The following GALK2 variants were observed in gnomAD, a reference collection of about 807,000 sequenced individuals.
GALK2 encodes N-acetylgalactosamine kinase.
Under a neutral mutation model 52.4 loss-of-function variants are expected in GALK2, and 36 were observed. The observed-to-expected ratio is 0.69, with a 90% CI of 0.53 to 0.91. GALK2 has a LOEUF of 0.91. GALK2 is among the 40% of genes least tolerant of loss of function. GALK2 has a pLI of 0.00. For missense variants in GALK2, 579 were observed against 559.1 expected, an observed-to-expected ratio of 1.04 and a Z score of -0.36; for synonymous variants, 176 against 199.1, an observed-to-expected ratio of 0.88 and a Z score of 0.98.
chr15:49,310,220 T>C (rs1485109346), intron 8 of GALK2, among the ~76,000 whole-genome samples: 1 of 152,240 alleles, frequency 6.6e-6, no homozygotes, highest in Non-Finnish European at 1.5e-5. Flanking sequence ...CAGGATTTCA[T>C]TCTTTTTTAT....
At chr15:49,288,516 A>G (rs1248775570) in intron 7 of GALK2, among the ~76,000 whole-genome samples, 2 of 152,220 alleles carry the variant, frequency 1.3e-5, no homozygotes, top group Admixed American at 6.5e-5. Context: ...AGAAGTTGGC[A>G]TAATAGTCTC....
chr15:49,317,204 G>T (rs1336834159), intron 8 of GALK2, among the ~76,000 whole-genome samples: 2 of 152,106 alleles, frequency 1.3e-5, no homozygotes, highest in Non-Finnish European at 2.9e-5. Flanking sequence ...GTAGCAATTT[G>T]TGTACAGCTA....
chr15:49,223,544 C>T (rs370119437), intron 3 of GALK2, among the ~76,000 whole-genome samples: 31 of 152,148 alleles, frequency 2.0e-4, no homozygotes, highest in African/African-American at 6.0e-4. Context: ...CTACTGCCCC[C>T]GCCATTGCTT....
chr15:49,237,286 A>C (rs969571709), intron 4 of GALK2, among the ~76,000 whole-genome samples: 1 of 152,236 alleles, frequency 6.6e-6, no homozygotes, highest in African/African-American at 2.4e-5. Flanking sequence ...TAGCCTGTTC[A>C]GAAACTTTCA....
intron 5 of GALK2, among the ~76,000 whole-genome samples, chr15:49,278,185 C>T (rs891560310): frequency 1.3e-5 from 2 of 152,126 alleles, no homozygotes; most frequent in East Asian, 1.9e-4. Flanking sequence ...GGCGTGAACC[C>T]GGGAGGCGGA....
At chr15:49,291,811 C>T (rs2033965553) in intron 7 of GALK2, among the ~76,000 whole-genome samples, 3 of 152,134 alleles carry the variant, frequency 2.0e-5, no homozygotes, top group Non-Finnish European at 4.4e-5. Context: ...ATGAGGTTTT[C>T]ATTTCAAATT....
chr15:49,328,213 A>C lies in GALK2; in HGVS notation c.*54A>C. 1 of 1,551,646 alleles carries C rather than the reference A, an allele frequency of 6.4e-7. No individual in the cohort carries two copies. Among genetic ancestry groups the C allele is most frequent in the Non-Finnish European group, 8.7e-7 (1 of 1,146,192 alleles). Reference sequence around the variant, plus strand: ...CTTAGGGCACTTAGGAATTGGCAGGACTTTCTGTGCCACAGTAAATTAATC... The same window carrying C: ...CTTAGGGCACTTAGGAATTGGCAGGCCTTTCTGTGCCACAGTAAATTAATC... On this transcript the variant is annotated 3_prime_UTR_variant, in exon 10 of 10. Transcript: ENST00000560031.
At chr15:49,365,248 A>C in intron 3 of GALK2, 7 of 1,146,256 alleles carry the variant, frequency 6.1e-6, no homozygotes, top group Non-Finnish European at 8.0e-6. Context: ...ATTTCCAGGC[A>C]ACAACTGAGG....
At chr15:49,204,642 G>A (rs930886799) in intron 2 of GALK2, among the ~76,000 whole-genome samples, 4 of 151,852 alleles carry the variant, frequency 2.6e-5, no homozygotes, top group Non-Finnish European at 5.9e-5. Flanking sequence ...TCTGTTATTG[G>A]TGTATAGAAA....
At chr15:49,184,215 T>C (rs1240075045) in intron 1 of GALK2, among the ~76,000 whole-genome samples, 1 of 152,194 alleles carries the variant, frequency 6.6e-6, no homozygotes, top group East Asian at 1.9e-4. Context: ...TTTATCATTA[T>C]ATAATGACCT....
rs886531897 is a variant in GALK2, at chr15:49,282,052, C to T, written c.570C>T (p.Asp190=). ...RYIGTEGGGM[D]QSISFLAEEG... ...TTGGCACTGAAGGAGGAGGCATGGA[C>T]CAGTCTATATCATTTCTTGCAGAAG... The change falls in exon 6 of 10, where the codon GAC becomes GAT. Residue 190 remains aspartate (D), a synonymous_variant. Coordinates refer to ENST00000560031, the MANE Select transcript of GALK2 (RefSeq NM_002044.4). 2.5e-6 allele frequency: 4 copies of T among 1,613,444 alleles called. No homozygotes were observed. The highest frequency in any genetic ancestry group is 1.7e-5 in the Admixed American group (1 of 59,994).
intron 5 of GALK2, among the ~76,000 whole-genome samples, chr15:49,246,504 G>A (rs1474891662): frequency 6.6e-6 from 1 of 152,138 alleles, no homozygotes; most frequent in Non-Finnish European, 1.5e-5. Context: ...CCCCCATACT[G>A]AAGTCTAAGG....
chr15:49,166,256 G>A (rs969258557), upstream of GALK2, among the ~76,000 whole-genome samples: 2 of 152,046 alleles, frequency 1.3e-5, no homozygotes, highest in African/African-American at 4.8e-5. Context: ...TCTTCGTTTT[G>A]TTTTGCTTTG....
At chr15:49,353,944 G>A (rs939212513) in intron 3 of GALK2, 1 of 152,018 alleles carries the variant, frequency 6.6e-6, no homozygotes, top group Non-Finnish European at 1.5e-5. Context: ...TCACATATTG[G>A]TTAATGGGAA....
intron 3 of GALK2, among the ~76,000 whole-genome samples, chr15:49,349,989 T>C (rs560279056): frequency 6.6e-6 from 1 of 152,312 alleles, no homozygotes; most frequent in East Asian, 1.9e-4. Flanking sequence ...CTTTGTTGGA[T>C]GGATGAATAA....
intron 3 of GALK2, among the ~76,000 whole-genome samples, chr15:49,366,875 C>A (rs2045308798): frequency 2.0e-5 from 3 of 152,290 alleles, no homozygotes; most frequent in African/African-American, 7.2e-5. Context: ...TGGGATTCAT[C>A]TGAGTCCTTA....
intron 8 of GALK2, among the ~76,000 whole-genome samples, chr15:49,296,442 C>T (rs558604233): frequency 6.6e-6 from 1 of 152,310 alleles, no homozygotes; most frequent in East Asian, 1.9e-4. Context: ...CATGTTGCTA[C>T]ACAGGACATT....
At chr15:49,176,749 T>G (rs1025676574) in intron 1 of GALK2, among the ~76,000 whole-genome samples, 1 of 152,134 alleles carries the variant, frequency 6.6e-6, no homozygotes, top group Non-Finnish European at 1.5e-5. Flanking sequence ...TTATTTAGGG[T>G]TTTTCTATCT....
At chr15:49,225,405 C>G (rs1041462007) in intron 3 of GALK2, 15 of 363,558 alleles carry the variant, frequency 4.1e-5, no homozygotes, top group Non-Finnish European at 7.6e-5. Flanking sequence ...CCCGTCAGAT[C>G]AGCAGTGGCA....
Sources: gnomAD v4.1 joint callset for allele counts (sites outside exome capture counted in the v4.1 genomes callset) on GRCh38, gnomAD v4.1.1 for gene constraint, MANE v1.5 for transcripts, NCBI Gene and HGNC (gene_info 2026-07-23, HGNC 2026-07-21) for gene names.